The following NRG3 variants were observed in gnomAD, a reference collection of about 807,000 sequenced individuals.
NRG3 encodes neuregulin 3.
A neutral mutation model predicts 66.9 loss-of-function variants in NRG3; 31 were observed. The observed-to-expected ratio is 0.46, with a 90% CI of 0.35 to 0.63. NRG3 has a LOEUF of 0.63. Ranked by LOEUF, NRG3 falls within the 20% of genes least tolerant of loss-of-function variation. The pLI is 0.00. For missense variants in NRG3, 910 were observed against 878.9 expected, an observed-to-expected ratio of 1.04 and a Z score of -0.45; for synonymous variants, 393 against 359.4, an observed-to-expected ratio of 1.09 and a Z score of -1.06.
At chr10:81,887,719 T>G (rs1173422348) in intron 1 of NRG3, among the ~76,000 whole-genome samples, 1 of 152,152 alleles carries the variant, frequency 6.6e-6, no homozygotes, top group Non-Finnish European at 1.5e-5. Flanking sequence ...GTCCTTCAAA[T>G]AGTTCACAAA....
At chr10:81,919,043 A>G (rs1845996648) in intron 1 of NRG3, among the ~76,000 whole-genome samples, 1 of 151,968 alleles carries the variant, frequency 6.6e-6, no homozygotes, top group South Asian at 2.1e-4. Context: ...TATACTATAT[A>G]GCCCTCCTGT....
intron 1 of NRG3, among the ~76,000 whole-genome samples, chr10:82,190,772 G>A (rs2074096423): frequency 6.6e-6 from 1 of 152,088 alleles, no homozygotes. Flanking sequence ...CTCCAGGGCT[G>A]GTTAATTCAG....
intron 1 of NRG3, among the ~76,000 whole-genome samples, chr10:82,026,183 G>A (rs75878959): frequency 0.01 from 1,559 of 152,138 alleles, 25 homozygotes; most frequent in African/African-American, 0.035. Context: ...GATCTCTGCT[G>A]TAAACAAGGA....
intron 1 of NRG3, among the ~76,000 whole-genome samples, chr10:82,354,922 G>T (rs1229784486): frequency 6.6e-6 from 1 of 152,130 alleles, no homozygotes. Context: ...ATACAAATTG[G>T]TATTCACGGG....
chr10:82,845,586 T>G (rs1263093731), intron 3 of NRG3, among the ~76,000 whole-genome samples: 1 of 148,424 alleles, frequency 6.7e-6, no homozygotes, highest in Non-Finnish European at 1.5e-5. Flanking sequence ...AAGACAGAAG[T>G]TGTGGGAAAT....
chr10:82,598,244 G>C (rs1438673162), intron 2 of NRG3, among the ~76,000 whole-genome samples: 1 of 152,142 alleles, frequency 6.6e-6, no homozygotes, highest in African/African-American at 2.4e-5. Flanking sequence ...CTTTCATGTA[G>C]ACAAATCTAT....
intron 1 of NRG3, among the ~76,000 whole-genome samples, chr10:81,993,598 T>C (rs1246054662): frequency 6.6e-6 from 1 of 152,078 alleles, no homozygotes; most frequent in Non-Finnish European, 1.5e-5. Flanking sequence ...CCTCCCACCA[T>C]GTCCTCACAA....
chr10:82,404,322 G>A (rs954189460), intron 2 of NRG3, among the ~76,000 whole-genome samples: 1 of 152,176 alleles, frequency 6.6e-6, no homozygotes, highest in African/African-American at 2.4e-5. Flanking sequence ...GACGACCTTA[G>A]TAAGAAGCCT....
chr10:82,055,417 C>T (rs565483066), intron 1 of NRG3, among the ~76,000 whole-genome samples: 35 of 138,292 alleles, frequency 2.5e-4, no homozygotes, highest in African/African-American at 8.9e-4. Flanking sequence ...GCAGAGTTTG[C>T]AGTGAACCAA....
chr10:82,671,656 T>G (rs1452347629), intron 2 of NRG3, among the ~76,000 whole-genome samples: 1 of 152,198 alleles, frequency 6.6e-6, no homozygotes, highest in South Asian at 2.1e-4. Flanking sequence ...TCCTCTGTAT[T>G]TCATCCTTTG....
At chr10:82,239,637 C>A (rs2133980588) in intron 1 of NRG3, among the ~76,000 whole-genome samples, 2 of 152,276 alleles carry the variant, frequency 1.3e-5, no homozygotes, top group South Asian at 4.1e-4. Context: ...TATCCTTCTT[C>A]ATTCTGTAAT....
At chr10:82,673,824 T>C (rs1252124141) in intron 2 of NRG3, among the ~76,000 whole-genome samples, 1 of 152,152 alleles carries the variant, frequency 6.6e-6, no homozygotes, top group Non-Finnish European at 1.5e-5. Flanking sequence ...GCTAAAAATA[T>C]AAATATGTGG....
chr10:82,313,972 T>C (rs1388452815), intron 1 of NRG3, among the ~76,000 whole-genome samples: 8 of 152,154 alleles, frequency 5.3e-5, no homozygotes, highest in Admixed American at 5.2e-4. Context: ...AAGAAGTGAA[T>C]TAAACTGTTT....
chr10:81,940,772 C>A (rs1222562394), intron 1 of NRG3, among the ~76,000 whole-genome samples: 1 of 151,952 alleles, frequency 6.6e-6, no homozygotes, highest in Non-Finnish European at 1.5e-5. Context: ...GGATTATATT[C>A]AGAAAAAGTG....
At chr10:82,620,207 C>T (rs1393097786) in intron 2 of NRG3, among the ~76,000 whole-genome samples, 2 of 152,146 alleles carry the variant, frequency 1.3e-5, no homozygotes, top group South Asian at 2.1e-4. Flanking sequence ...CTCAGTGGGC[C>T]TCTTGCCTTG....
chr10:82,847,873 C>A (rs1296839313), intron 3 of NRG3, among the ~76,000 whole-genome samples: 1 of 152,150 alleles, frequency 6.6e-6, no homozygotes, highest in African/African-American at 2.4e-5. Context: ...TTCTAATATC[C>A]TCACAAGGTT....
chr10:82,812,836 T>G (rs2061546878), intron 3 of NRG3, among the ~76,000 whole-genome samples: 1 of 152,230 alleles, frequency 6.6e-6, no homozygotes, highest in Admixed American at 6.5e-5. Flanking sequence ...TGTTTTATTC[T>G]ACATAGTACA....
At chr10:82,862,424 AC>A (rs773972819) in intron 3 of NRG3, among the ~76,000 whole-genome samples, 1 of 152,164 alleles carries the variant, frequency 6.6e-6, no homozygotes, top group Non-Finnish European at 1.5e-5. Flanking sequence ...ATATCAAAAA[AC>A]ACCCCTTAGA....
At chr10:82,116,264 A>C (rs11192578) in intron 1 of NRG3, among the ~76,000 whole-genome samples, 15,347 of 152,076 alleles carry the variant, frequency 0.1, 990 homozygotes, top group East Asian at 0.27. Context: ...TACCACAAGA[A>C]AAAAACCCTT....
Sources: gnomAD v4.1 joint callset for allele counts (sites outside exome capture counted in the v4.1 genomes callset) on GRCh38, gnomAD v4.1.1 for gene constraint, MANE v1.5 for transcripts, NCBI Gene and HGNC (gene_info 2026-07-23, HGNC 2026-07-21) for gene names.